HDAC9: variants seen among roughly 807,000 people sequenced by gnomAD.
HDAC9 encodes the protein histone deacetylase 9.
In HDAC9, 41 loss-of-function variants were observed where a neutral mutation model predicts 139.4. That is an observed-to-expected ratio of 0.29 (90% CI 0.23 to 0.38). The LOEUF is 0.38. HDAC9 is among the 10% of genes least tolerant of loss of function. HDAC9 has a pLI of 1.00. For missense variants in HDAC9, 1,147 were observed against 1,297.0 expected (o/e 0.88, Z 1.78); for synonymous variants, 517 against 476.2 (o/e 1.09, Z -1.12).
intron 22 of HDAC9, 23 bp from the exon 23 acceptor site, chr7:18,935,786 A>C (rs1781590190): frequency 3.1e-6 from 5 of 1,605,910 alleles, no homozygotes; most frequent in Non-Finnish European, 4.3e-6. Context: ...ATACTTTGAA[A>C]TGTTCTGTTT....
chr7:18,882,200 T>C (rs1563018587), intron 22 of HDAC9, among the ~76,000 whole-genome samples: 1 of 152,130 alleles, frequency 6.6e-6, no homozygotes, highest in Non-Finnish European at 1.5e-5. Context: ...CATAATTTTT[T>C]TTCTTTTTTG....
chr7:18,904,742 AT>A (rs1415430279), intron 22 of HDAC9, among the ~76,000 whole-genome samples: 2 of 151,160 alleles, frequency 1.3e-5, no homozygotes, highest in Admixed American at 1.3e-4. Flanking sequence ...CGCCCGGCTA[AT>A]TTTTTGTATT....
chr7:18,309,367 T>C (rs548693331), intron 1 of HDAC9, among the ~76,000 whole-genome samples: 1 of 152,332 alleles, frequency 6.6e-6, no homozygotes, highest in South Asian at 2.1e-4. Flanking sequence ...TGAAATGTTT[T>C]GACAAAGTAA....
chr7:18,351,098 G>A (rs919102761), intron 1 of HDAC9, among the ~76,000 whole-genome samples: 3 of 152,104 alleles, frequency 2.0e-5, no homozygotes, highest in Non-Finnish European at 2.9e-5. Context: ...GTAGTCGGCT[G>A]TAAATAGTTT....
At chr7:18,692,182 G>C (rs1782719558) in intron 12 of HDAC9, among the ~76,000 whole-genome samples, 1 of 152,044 alleles carries the variant, frequency 6.6e-6, no homozygotes, top group Non-Finnish European at 1.5e-5. Flanking sequence ...GAAGGAAAAA[G>C]CCTGGATGAC....
intron 1 of HDAC9, among the ~76,000 whole-genome samples, chr7:18,100,605 A>G (rs1004605163): frequency 1.3e-5 from 2 of 152,162 alleles, no homozygotes; most frequent in African/African-American, 2.4e-5. Context: ...TTGAAGTTCA[A>G]TGGGGTGTTT....
At chr7:18,978,947 T>G (rs1260039101) in intron 25 of HDAC9, among the ~76,000 whole-genome samples, 1 of 151,818 alleles carries the variant, frequency 6.6e-6, no homozygotes, top group African/African-American at 2.4e-5. Flanking sequence ...TGTGTGTGTG[T>G]GTTTTTTTTT....
At chr7:18,214,115 A>G (rs749243918) in intron 2 of HDAC9, among the ~76,000 whole-genome samples, 2 of 152,156 alleles carry the variant, frequency 1.3e-5, no homozygotes, top group African/African-American at 2.4e-5. Context: ...ACATAGTATT[A>G]TAAGGTATAT....
chr7:18,325,479 G>A (rs1476303021), intron 1 of HDAC9: 1 of 151,872 alleles, frequency 6.6e-6, no homozygotes, highest in African/African-American at 2.4e-5. Flanking sequence ...TATTATTTTT[G>A]AAATTAATTT....
At chr7:18,169,497 A>C (rs1290704125) in intron 2 of HDAC9, among the ~76,000 whole-genome samples, 2 of 151,694 alleles carry the variant, frequency 1.3e-5, no homozygotes, top group Admixed American at 1.3e-4. Context: ...TGTAGGGTAC[A>C]TGTGCACAAC....
At chr7:18,683,441 T>C (rs1271022955) in intron 12 of HDAC9, among the ~76,000 whole-genome samples, 1 of 152,038 alleles carries the variant, frequency 6.6e-6, no homozygotes, top group Non-Finnish European at 1.5e-5. Context: ...CCATTAAACA[T>C]CGCTACTTCT....
chr7:18,724,553 T>C (rs1024042431), intron 12 of HDAC9, among the ~76,000 whole-genome samples: 5 of 152,168 alleles, frequency 3.3e-5, no homozygotes, highest in African/African-American at 1.2e-4. Context: ...TATGACATTA[T>C]TGCATGGTAC....
At chr7:18,846,953 G>A (rs1796949920) in intron 21 of HDAC9, among the ~76,000 whole-genome samples, 1 of 152,204 alleles carries the variant, frequency 6.6e-6, no homozygotes, top group Non-Finnish European at 1.5e-5. Flanking sequence ...AAAAGTGCGT[G>A]TGGAAGTGAG....
rs115033445 is a variant in HDAC9 at position 18,367,218 on chromosome 7, A to G, written c.-42+76703A>G. Among the ~76,000 whole-genome samples, 574 of 152,208 alleles carry G rather than the reference A, an allele frequency of 3.8e-3. 1 individual carries two copies. The highest frequency in any genetic ancestry group is 0.031 in the Middle Eastern group (9 of 294). On this transcript the variant is annotated intron_variant, in intron 1 of 3. Coordinates refer to the HDAC9 transcript ENST00000413509. ...GCCATTGTTAATTCCAGTGCATTCT[A>G]AGGGGTTGCAAACTCAGATGCATAG...
intron 1 of HDAC9, among the ~76,000 whole-genome samples, chr7:18,149,896 A>C (rs1221267934): frequency 6.6e-6 from 1 of 151,658 alleles, no homozygotes; most frequent in African/African-American, 2.4e-5. Flanking sequence ...GCGTCTTGCT[A>C]TTTTTGCCCA....
At chr7:18,514,410 G>A (rs946419483) in intron 2 of HDAC9, among the ~76,000 whole-genome samples, 1 of 152,094 alleles carries the variant, frequency 6.6e-6, no homozygotes, top group African/African-American at 2.4e-5. Flanking sequence ...TCTTTGCCCA[G>A]TGACTACATT....
intron 6 of HDAC9, among the ~76,000 whole-genome samples, chr7:18,605,722 C>A (rs1431050280): frequency 6.6e-6 from 1 of 152,008 alleles, no homozygotes; most frequent in Non-Finnish European, 1.5e-5. Context: ...GTTCTGTCGC[C>A]CAGGCTGGAA....
chr7:18,646,694 G>C (rs1351284161), intron 9 of HDAC9, among the ~76,000 whole-genome samples: 3 of 152,108 alleles, frequency 2.0e-5, no homozygotes, highest in Admixed American at 2.0e-4. Flanking sequence ...GATGAAACAT[G>C]AGTTTTGAAA....
chr7:18,336,735 C>T (rs1032390446), intron 1 of HDAC9, among the ~76,000 whole-genome samples: 3 of 151,416 alleles, frequency 2.0e-5, no homozygotes, highest in African/African-American at 4.8e-5. Flanking sequence ...TATTCCTTGT[C>T]TATATTCTTT....
Sources: gnomAD v4.1 joint callset for allele counts (sites outside exome capture counted in the v4.1 genomes callset) on GRCh38, gnomAD v4.1.1 for gene constraint, MANE v1.5 for transcripts, NCBI Gene and HGNC (gene_info 2026-07-23, HGNC 2026-07-21) for gene names.